BBS2: variants seen among roughly 807,000 people sequenced by gnomAD.
BBS2 encodes the protein BBSome complex member BBS2.
BBS2 carries 62 observed loss-of-function variants against 83.0 expected under a neutral mutation model. That is an observed-to-expected ratio of 0.75 (90% CI 0.61 to 0.92). BBS2 has a LOEUF of 0.92. Ranked by LOEUF, BBS2 falls within the 40% of genes least tolerant of loss-of-function variation. BBS2 has a pLI of 0.00. For synonymous variants in BBS2, 303 were observed against 326.1 expected (o/e 0.93, Z 0.76); for missense variants, 784 against 901.0 (o/e 0.87, Z 1.66).
chr16:56,503,489 A>G (rs1411550432), intron 7 of BBS2, among the ~76,000 whole-genome samples: 2 of 152,232 alleles, frequency 1.3e-5, no homozygotes, highest in Non-Finnish European at 2.9e-5. Flanking sequence ...CCTCTTCCAC[A>G]TAAAAACTAT....
chr16:56,470,539 A>G, exon 18 of BBS2: 2 of 1,614,146 alleles, frequency 1.2e-6, no homozygotes, highest in Admixed American at 1.7e-5. Context: ...GAAGGAGTGC[A>G]TGAAGTTATT....
intron 15 of BBS2, among the ~76,000 whole-genome samples, chr16:56,490,687 A>G (rs1251271549): frequency 6.6e-6 from 1 of 152,140 alleles, no homozygotes; most frequent in African/African-American, 2.4e-5. Context: ...CATTTTCTTA[A>G]TGTAGTCAAA....
chr16:56,490,287 A>G (rs1293545455), intron 15 of BBS2, among the ~76,000 whole-genome samples: 1 of 152,162 alleles, frequency 6.6e-6, no homozygotes, highest in East Asian at 1.9e-4. Flanking sequence ...TACAAGTACT[A>G]AAGGAAAACA....
intron 9 of BBS2, chr16:56,502,052 T>C: frequency 1.9e-6 from 1 of 517,494 alleles, no homozygotes; most frequent in East Asian, 3.8e-5. Flanking sequence ...CTGACGAACA[T>C]CTAAGTTTCT....
intron 15 of BBS2, among the ~76,000 whole-genome samples, chr16:56,493,462 GA>G (rs1964022323): frequency 6.7e-6 from 1 of 149,788 alleles, no homozygotes; most frequent in South Asian, 2.1e-4. Flanking sequence ...AAGACATGAA[GA>G]GGGGTGTGTG....
chr16:56,503,649 G>C (rs1426384914), intron 7 of BBS2, among the ~76,000 whole-genome samples: 2 of 152,256 alleles, frequency 1.3e-5, no homozygotes, highest in Non-Finnish European at 2.9e-5. Context: ...GCCGGGCACA[G>C]TGGCTCACGC....
At chr16:56,476,319 T>A in intron 17 of BBS2, 1 of 961,406 alleles carries the variant, frequency 1.0e-6, no homozygotes, top group Non-Finnish European at 1.5e-6. Flanking sequence ...ACAGTGTTCT[T>A]AAAACTGGTT....
At chr16:56,476,176 TG>T in intron 17 of BBS2, 1 of 1,612,536 alleles carries the variant, frequency 6.2e-7, no homozygotes, top group South Asian at 1.1e-5. Flanking sequence ...AACAGGTTTC[TG>T]GGACTTTTCA....
chr16:56,497,140 A>C, intron 14 of BBS2, 61 bp from the exon 15 acceptor site: 2 of 1,060,922 alleles, frequency 1.9e-6, no homozygotes, highest in Non-Finnish European at 3.0e-6. Context: ...ACCCAGACAA[A>C]TGAAAAGACA....
chr16:56,473,580 T>G (rs1482259240), intron 17 of BBS2, among the ~76,000 whole-genome samples: 4 of 152,252 alleles, frequency 2.6e-5, no homozygotes, highest in African/African-American at 9.6e-5. Flanking sequence ...GATGATGTTT[T>G]CATTCTTCCT....
At chr16:56,474,679 G>A (rs1046464646) in intron 17 of BBS2, 10 of 611,768 alleles carry the variant, frequency 1.6e-5, no homozygotes, top group Non-Finnish European at 2.7e-5. Context: ...CTTTTATAAG[G>A]CTGGATTGGT....
At chr16:56,475,548 A>AAAGGTG (rs1177070127) in intron 17 of BBS2, 1 of 1,613,850 alleles carries the variant, frequency 6.2e-7, no homozygotes, top group East Asian at 2.2e-5. Flanking sequence ...TTACATTGCC[A>AAAGGTG]AAGGTGAAGA....
chr16:56,490,772 T>A (rs1185036312), intron 15 of BBS2, among the ~76,000 whole-genome samples: 2 of 152,032 alleles, frequency 1.3e-5, no homozygotes, highest in Non-Finnish European at 2.9e-5. Flanking sequence ...GCAAAATTTT[T>A]TTTTTTTGAG....
downstream of BBS2, among the ~76,000 whole-genome samples, chr16:56,480,352 C>CAAAAAAAAAAAAAAAAAAAAAAAA (rs1286219655): frequency 9.3e-4 from 71 of 76,502 alleles, 1 homozygote; most frequent in Non-Finnish European, 1.1e-3. Context: ...CACACACACA[C>CAAAAAAAAAAAAAAAAAAAAAAAA]AAAAAAAAAA....
At chr16:56,500,768 G>A in intron 11 of BBS2, 86 bp downstream of exon 11, 1 of 1,413,574 alleles carries the variant, frequency 7.1e-7, no homozygotes, top group South Asian at 1.2e-5. Flanking sequence ...AGGCCCCCAA[G>A]AATCCACTGG....
At chr16:56,475,628 G>C in intron 17 of BBS2, 4 of 1,443,174 alleles carry the variant, frequency 2.8e-6, no homozygotes, top group Non-Finnish European at 3.9e-6. Context: ...ATTTTTCAAA[G>C]ACCCAATTTT....
intron 1 of BBS2, among the ~76,000 whole-genome samples, chr16:56,517,888 C>T (rs895803013): frequency 1.3e-5 from 2 of 151,042 alleles, no homozygotes; most frequent in Admixed American, 6.6e-5. Context: ...GGCACGGTCT[C>T]GGCTCCCTGC....
chr16:56,485,766 C>T (rs1963760282), intron 15 of BBS2, 28 bp from the exon 16 acceptor site: 1 of 1,611,850 alleles, frequency 6.2e-7, no homozygotes, highest in African/African-American at 1.3e-5. Flanking sequence ...AATTTGACAT[C>T]ATTTCATGTT....
rs1567584842 is a variant in BBS2, at chr16:56,514,551, A to G, written c.247T>C (p.Leu83=). The G allele has an allele frequency of 8.1e-6, 13 of 1,614,202 alleles. No homozygotes were observed. Among genetic ancestry groups the G allele is most frequent in the East Asian group, 2.2e-5 (1 of 44,874 alleles). ...GCATCATAGCCAAGCTCAGGGTTCA[A>G]TACGCCTGCAGTCAGACAGCTGACT... ...QAVSCLTAGV[L]NPELGYDALL... The change falls in exon 2 of 17, where the codon TTG becomes CTG. Residue 83 remains leucine (L), a synonymous_variant. Transcript: ENST00000245157.
Sources: allele counts gnomAD v4.1 joint callset (sites outside exome capture counted in the v4.1 genomes callset), GRCh38; gene constraint gnomAD v4.1.1; transcripts MANE v1.5; gene names NCBI Gene and HGNC (gene_info 2026-07-23, HGNC 2026-07-21).